Variants in KLF12 observed in about 807,000 individuals in gnomAD.
KLF12 encodes Krueppel-like factor 12.
Under a neutral mutation model 37.8 loss-of-function variants are expected in KLF12, and 9 were observed. That is an observed-to-expected ratio of 0.24 (90% CI 0.14 to 0.42). KLF12 has a LOEUF of 0.42. KLF12 is among the 10% of genes least tolerant of loss of function. The pLI, the probability that KLF12 is intolerant of heterozygous loss-of-function variation, is 1.00. For synonymous variants in KLF12, 208 were observed against 202.1 expected (o/e 1.03, Z -0.25); for missense variants, 411 against 516.0 (o/e 0.80, Z 1.97).
chr13:73,837,895 T>A (rs1056375230), intron 4 of KLF12, among the ~76,000 whole-genome samples: 5 of 152,198 alleles, frequency 3.3e-5, no homozygotes, highest in Admixed American at 3.3e-4. Context: ...CTAGGACTAT[T>A]CTGTCATATG....
the KLF12 span, among the ~76,000 whole-genome samples, chr13:74,264,657 G>T: frequency 6.6e-6 from 1 of 152,216 alleles, no homozygotes; most frequent in Non-Finnish European, 1.5e-5. Context: ...GTTCTCTTCA[G>T]ATCCTAACCC....
At chr13:74,189,394 G>T in the KLF12 span, among the ~76,000 whole-genome samples, 1 of 152,114 alleles carries the variant, frequency 6.6e-6, no homozygotes, top group Non-Finnish European at 1.5e-5. Flanking sequence ...TTCCTCATTT[G>T]CAGCGAGGCC....
In KLF12 at chr13:73,985,614, C is replaced by G. The variant is rs544808449; in HGVS notation, c.33+9376G>C. 6.9e-4 allele frequency among the ~76,000 whole-genome samples: 105 copies of G among 152,284 alleles called. 4 individuals carry two copies. The South Asian group carries it at 0.017, about 25-fold the overall frequency. On this transcript the variant is annotated intron_variant, in intron 2 of 7. Coordinates refer to ENST00000377669, the MANE Select transcript of KLF12 (RefSeq NM_007249.5). ...TAACGACTCTCCATGTGTTTGCTCT[C>G]AATCTTCCAGCTTCTCATTGTCAAG...
chr13:73,811,152 A>C (rs767776220), intron 5 of KLF12, among the ~76,000 whole-genome samples: 3 of 151,044 alleles, frequency 2.0e-5, no homozygotes, highest in Admixed American at 2.0e-4. Context: ...CGCCCAGCTA[A>C]TTTTTGTATT....
chr13:73,715,460 C>T lies in KLF12; in HGVS notation c.935G>A (p.Arg312Lys). The T allele has an allele frequency of 6.2e-7, 1 of 1,614,102 alleles. No homozygotes were observed. Among genetic ancestry groups the T allele is most frequent in the Non-Finnish European group, 8.5e-7 (1 of 1,179,976 alleles). Residue 312 changes from arginine (R) to lysine (K), a missense_variant, in exon 7 of 8, where the codon AGA (arginine) becomes AAA (lysine). Arg to Lys is a conservative substitution (Grantham distance 26). Transcript: ENST00000377669. The stretch of plus-strand genomic sequence containing the variant: ...ATCACATCTGTGGATACGCCGTTTT[C>T]TGGAGTCTGGGGATTCAGACCGTCT...
the KLF12 span, among the ~76,000 whole-genome samples, chr13:74,293,633 A>G: frequency 6.6e-6 from 1 of 152,218 alleles, no homozygotes; most frequent in Non-Finnish European, 1.5e-5. Flanking sequence ...CTGAAGGACT[A>G]TATAAGATGG....
At chr13:73,896,037 G>C (rs781451673) in intron 3 of KLF12, among the ~76,000 whole-genome samples, 3 of 151,908 alleles carry the variant, frequency 2.0e-5, no homozygotes, top group Non-Finnish European at 2.9e-5. Flanking sequence ...GGCCAGGCTG[G>C]TCTTGAACTC....
intron 1 of KLF12, among the ~76,000 whole-genome samples, chr13:74,056,572 A>C (rs1241311393): frequency 6.6e-6 from 1 of 152,178 alleles, no homozygotes; most frequent in Non-Finnish European, 1.5e-5. Context: ...GAGAAGTAAA[A>C]CTTATCTAAG....
rs191062288 is a variant in KLF12, at chr13:73,793,264, C to T, written c.806+19888G>A. Reference sequence around the variant, plus strand: ...ATGGTCAGATGTGTGTGCGGTCTGCCCCCAAATAAGATAATCTGATAGAAC... The same window carrying T: ...ATGGTCAGATGTGTGTGCGGTCTGCTCCCAAATAAGATAATCTGATAGAAC... On this transcript the variant is annotated intron_variant, in intron 5 of 7. Coordinates refer to ENST00000377669, the MANE Select transcript of KLF12 (RefSeq NM_007249.5). Among the ~76,000 whole-genome samples the T allele has an allele frequency of 1.1e-3, 160 of 152,100 alleles. 1 individual carries two copies. The highest frequency in any genetic ancestry group is 3.5e-3 in the African/African-American group (144 of 41,488).
intron 5 of KLF12, chr13:73,800,687 A>G (rs1272696605): frequency 6.6e-6 from 1 of 152,112 alleles, no homozygotes; most frequent in African/African-American, 2.4e-5. Flanking sequence ...TTACCTAAGA[A>G]TATCTAGTTA....
chr13:74,250,900 T>C, the KLF12 span, among the ~76,000 whole-genome samples: 4 of 152,170 alleles, frequency 2.6e-5, no homozygotes, highest in Non-Finnish European at 5.9e-5. Context: ...GAATAATTAA[T>C]GAAAAGTGTT....
In KLF12 at chr13:73,695,564, A is replaced by C; in HGVS notation, c.1135T>G (p.Cys379Gly). The stretch of plus-strand genomic sequence containing the variant: ...GAAAAGCTGCGATCACAGTCCGCGC[A>C]CTTGAATGGCTTCACTCCCGTATGT... The change falls in exon 8 of 8, where the codon TGC (cysteine) becomes GGC (glycine). Residue 379 changes from cysteine to glycine, a missense_variant. Physicochemically the swap from Cys to Gly is radical, Grantham distance 159. This residue lies in a region of KLF12 where 60 missense variants were observed against 118.2 expected (regional missense o/e 0.51). Coordinates refer to ENST00000377669, the MANE Select transcript of KLF12 (RefSeq NM_007249.5). The C allele has an allele frequency of 6.2e-7, 1 of 1,614,096 alleles. No homozygotes were observed. Among genetic ancestry groups the C allele is most frequent in the Non-Finnish European group, 8.5e-7 (1 of 1,179,972 alleles).
chr13:73,909,970 TA>T (rs1450763969), intron 3 of KLF12, among the ~76,000 whole-genome samples: 3 of 152,072 alleles, frequency 2.0e-5, no homozygotes, highest in Non-Finnish European at 1.5e-5. Flanking sequence ...TTTCAAACGT[TA>T]TTTTTTTTGG....
Position 73,700,909 on chromosome 13 carries a change from T to G in KLF12, c.1028-5238A>C, listed in dbSNP as rs575659756. On this transcript the variant is annotated intron_variant, in intron 7 of 7. Transcript: ENST00000377669. ...AAAGCACACAATCTTATAAACACAT[T>G]AAGACAGCAGAAACTAACTTCATGA... Among the ~76,000 whole-genome samples the G allele has an allele frequency of 3.3e-5, 5 of 152,274 alleles. No individual in the cohort carries two copies. The East Asian group carries it at 5.8e-4, about 18-fold the overall frequency.
the KLF12 span, among the ~76,000 whole-genome samples, chr13:74,160,307 G>A: frequency 0.016 from 2,421 of 152,250 alleles, 63 homozygotes; most frequent in African/African-American, 0.053. Context: ...CACTAACGTT[G>A]AATGGCACTC....
At chr13:73,920,420 G>C (rs1423135718) in intron 3 of KLF12, among the ~76,000 whole-genome samples, 1 of 152,000 alleles carries the variant, frequency 6.6e-6, no homozygotes, top group Non-Finnish European at 1.5e-5. Context: ...TACCAGCCCA[G>C]TATTTAAAAA....
chr13:74,168,937 T>C, the KLF12 span, among the ~76,000 whole-genome samples: 1 of 152,126 alleles, frequency 6.6e-6, no homozygotes. Flanking sequence ...ATTTGTGGAG[T>C]ATTGTTGCTG....
At chr13:74,202,889 G>A in the KLF12 span, among the ~76,000 whole-genome samples, 5 of 152,198 alleles carry the variant, frequency 3.3e-5, no homozygotes, top group Non-Finnish European at 4.4e-5. Context: ...AAAGGAGCAC[G>A]GTAGGAAAGG....
At chr13:74,247,485 A>G in the KLF12 span, among the ~76,000 whole-genome samples, 2 of 152,232 alleles carry the variant, frequency 1.3e-5, no homozygotes, top group East Asian at 3.8e-4. Flanking sequence ...AAGAAGAAAG[A>G]TGAAGGGCCC....
Sources: gnomAD v4.1 joint callset for allele counts (sites outside exome capture counted in the v4.1 genomes callset) on GRCh38, gnomAD v4.1.1 for gene constraint, gnomAD v4.1.1 regional missense constraint, MANE v1.5 for transcripts, NCBI Gene and HGNC (gene_info 2026-07-23, HGNC 2026-07-21) for gene names.